SUPT5H: variants seen among roughly 807,000 people sequenced by gnomAD.
SUPT5H encodes SPT5 homolog, DSIF elongation factor subunit.
In SUPT5H, 24 loss-of-function variants were observed where a neutral mutation model predicts 142.5. The ratio of observed to expected loss-of-function variants is 0.17; its 90% confidence interval spans 0.12 to 0.24. The LOEUF is 0.24. Among genes scored for constraint, SUPT5H ranks in the 10% least tolerant of loss-of-function variants. The pLI is 1.00. For synonymous variants in SUPT5H, 546 were observed against 553.0 expected, an observed-to-expected ratio of 0.99 and a Z score of 0.18; for missense variants, 893 against 1,471.8, an observed-to-expected ratio of 0.61 and a Z score of 6.43.
At position 39,466,831 on chromosome 19, in the gene SUPT5H, C is replaced by T. The variant is rs893158022; in HGVS notation, c.1037+86C>T. 32 of 1,359,746 alleles carry T rather than the reference C, an allele frequency of 2.4e-5. No individual in the cohort carries two copies. The African/African-American group carries it at 3.9e-4, about 16-fold the overall frequency. The allele number at this position is 1,359,746 out of a possible 1,614,324, so 84.2% of individuals were successfully genotyped here. A position where few individuals can be genotyped will look rare whatever the true frequency, so the allele number is the denominator to read the frequency against. Reference sequence around the variant, plus strand: ...TTTGCAGGTTCCTCCCCAGGGGTGGCCCCGCCACAGGTTTAGCCTGTGAAT... The same window carrying T: ...TTTGCAGGTTCCTCCCCAGGGGTGGTCCCGCCACAGGTTTAGCCTGTGAAT... On this transcript the variant is annotated intron_variant, in intron 13 of 29. Coordinates refer to ENST00000432763, the MANE Select transcript of SUPT5H (RefSeq NM_001111020.3). This position sits in a 1 kb window ranked among gnomAD's most constrained non-coding sequence, Gnocchi z 4.3.
Position 39,458,147 on chromosome 19 carries a change from C to G in SUPT5H, c.308-147C>G. On this transcript the variant is annotated intron_variant, in intron 4 of 29. Coordinates refer to ENST00000432763, the MANE Select transcript of SUPT5H (RefSeq NM_001111020.3). The surrounding 1 kb of genome is among the most constrained non-coding windows in gnomAD (Gnocchi z 4.2). ...CCTGGCCTTTACTTTTGGTTTTCAA[C>G]CTTTCTGTGTCCCTCCCTTCCCCTC... is the stretch of plus-strand genomic sequence containing the variant. 7.3e-7 allele frequency: 1 copy of G among 1,372,626 alleles called. No individual in the cohort carries two copies. The highest frequency in any genetic ancestry group is 9.7e-7 in the Non-Finnish European group (1 of 1,028,766). 85.0% of individuals were successfully genotyped at this position (1,372,626 alleles called of 1,614,324 possible).
Position 39,474,456 on chromosome 19 carries a change from A to C in SUPT5H, c.2820+54A>C. ...GTGGTGGGCTAGGGTGACTTTGGGC[A>C]TATAGGGTCGGCCAGGCCAGATGAC... On this transcript the variant is annotated intron_variant, in intron 27 of 29. Coordinates refer to ENST00000432763, the MANE Select transcript of SUPT5H (RefSeq NM_001111020.3). The surrounding 1 kb of genome is among the most constrained non-coding windows in gnomAD (Gnocchi z 6.5). The C allele has an allele frequency of 1.9e-6, 3 of 1,610,830 alleles. No homozygotes were observed. In the South Asian group the frequency reaches 3.3e-5, roughly 18 times the overall value.
chr19:39,447,726 C>T (rs2078971340), intron 2 of SUPT5H, among the ~76,000 whole-genome samples: 1 of 152,158 alleles, frequency 6.6e-6, no homozygotes, highest in South Asian at 2.1e-4. Flanking sequence ...GCCCATTATC[C>T]ACCTTTTAAA....
At chr19:39,462,655 C>G (rs187987642) in intron 10 of SUPT5H, among the ~76,000 whole-genome samples, 2 of 152,144 alleles carry the variant, frequency 1.3e-5, no homozygotes, top group East Asian at 3.9e-4. Flanking sequence ...CTCAATCTCC[C>G]AAGTAGCTGG....
In SUPT5H at chr19:39,458,702, T is replaced by C; in HGVS notation, c.320-116T>C. ...AGGGGTTGGGATTTCCTCTGTGAGA[T>C]GTCATCTTCCTGCCCCAGGGCCAAA... On this transcript the variant is annotated intron_variant, in intron 5 of 29. Coordinates refer to ENST00000432763, the MANE Select transcript of SUPT5H (RefSeq NM_001111020.3). The surrounding 1 kb of genome is among the most constrained non-coding windows in gnomAD (Gnocchi z 4.2). 1 of 939,498 alleles carries C rather than the reference T, an allele frequency of 1.1e-6. No homozygotes were observed. Among genetic ancestry groups the C allele is most frequent in the Middle Eastern group, 3.2e-4 (1 of 3,128 alleles). 58.2% of individuals were successfully genotyped at this position (939,498 alleles called of 1,614,324 possible). A position where few individuals can be genotyped will look rare whatever the true frequency, so the allele number is the denominator to read the frequency against.
chr19:39,469,060 C>T lies in SUPT5H; in HGVS notation c.1144-19C>T. ...CCTCGGTCCATTTCCTTCTCTTCCC[C>T]TCACCGCTGGGGGCTTAGATCACGG... On this transcript the variant is annotated intron_variant, in intron 14 of 29. Coordinates refer to ENST00000432763, the MANE Select transcript of SUPT5H (RefSeq NM_001111020.3). The surrounding 1 kb of genome is among the most constrained non-coding windows in gnomAD (Gnocchi z 5.1). 1 of 1,613,900 alleles carries T rather than the reference C, an allele frequency of 6.2e-7. No individual in the cohort carries two copies. Among genetic ancestry groups the T allele is most frequent in the Non-Finnish European group, 8.5e-7 (1 of 1,179,960 alleles).
At position 39,468,877 on chromosome 19, in the gene SUPT5H, G is replaced by T; in HGVS notation, c.1143+16G>T. On this transcript the variant is annotated intron_variant, in intron 14 of 29. Transcript: ENST00000432763. ...GTCTGCTGTGGTGAGGGTCCCAGAG[G>T]GGTGTTGGTAATGGGGGTGGTGTGA... 1 of 1,613,144 alleles carries T rather than the reference G, an allele frequency of 6.2e-7. No individual in the cohort carries two copies.
chr19:39,476,308 T>C lies in SUPT5H; in HGVS notation c.3173T>C (p.Ile1058Thr). The C allele has an allele frequency of 6.2e-7, 1 of 1,614,112 alleles. No homozygotes were observed. The highest frequency in any genetic ancestry group is 8.5e-7 in the Non-Finnish European group (1 of 1,180,016). ...DREATGVLLS[I>T]DGEDGIVRMD... is the part of the protein sequence containing the mutation. ...GAAGCCACGGGCGTCCTACTGAGCA[T>C]TGATGGTGAGGATGGCATTGTCCGT... Residue 1058 changes from isoleucine to threonine, a missense_variant, in exon 30 of 30, where the codon ATT (isoleucine) becomes ACT (threonine). Ile to Thr is a moderately conservative substitution (Grantham distance 89, BLOSUM62 -1). This residue lies in a region of SUPT5H where 336 missense variants were observed against 546.5 expected (regional missense o/e 0.61). Coordinates refer to ENST00000432763, the MANE Select transcript of SUPT5H (RefSeq NM_001111020.3).
rs548100238 is a variant in SUPT5H, at chr19:39,446,321, G to A, written c.75+356G>A. ...AATTCTTTGCTCTTAGGGTACACCA[G>A]TAAACAAAAAGATTTTAAAAATGTC... On this transcript the variant is annotated intron_variant, in intron 2 of 29. Transcript: ENST00000432763. Among the ~76,000 whole-genome samples, 10 of 152,148 alleles carry A rather than the reference G, an allele frequency of 6.6e-5. No homozygotes were observed. In the South Asian group the frequency reaches 1.9e-3, roughly 28 times the overall value.
In SUPT5H at chr19:39,460,436, A is replaced by G. The variant is rs114545458; in HGVS notation, c.624+476A>G. 5.7e-3 allele frequency among the ~76,000 whole-genome samples: 868 copies of G among 152,272 alleles called. 5 individuals are homozygous for G. The highest frequency in any genetic ancestry group is 0.019 in the African/African-American group (795 of 41,570). ...GGCCCCTTGGTTGCCTCTCAGCATC[A>G]TTAGGATTAAGTGGCTTTTGGCTGG... On this transcript the variant is annotated intron_variant, in intron 10 of 29. Coordinates refer to ENST00000432763, the MANE Select transcript of SUPT5H (RefSeq NM_001111020.3).
intron 3 of SUPT5H, among the ~76,000 whole-genome samples, chr19:39,455,920 C>CTCT (rs1428635297): frequency 7.3e-6 from 1 of 137,576 alleles, no homozygotes; most frequent in African/African-American, 2.8e-5. Context: ...TGCGCCCCGC[C>CTCT]TCTTCTTTTT....
chr19:39,466,609 G>T lies in SUPT5H; in HGVS notation c.966+40G>T. 1 of 1,612,608 alleles carries T rather than the reference G, an allele frequency of 6.2e-7. No individual in the cohort carries two copies. Among genetic ancestry groups the T allele is most frequent in the Non-Finnish European group, 8.5e-7 (1 of 1,178,642 alleles). ...CTGTGGCCTGGGGGGGAGGGAGTGT[G>T]CTCGATCCCACTGGTGGCCAAGCCC... On this transcript the variant is annotated intron_variant, in intron 12 of 29. Coordinates refer to ENST00000432763, the MANE Select transcript of SUPT5H (RefSeq NM_001111020.3). This position sits in a 1 kb window ranked among gnomAD's most constrained non-coding sequence, Gnocchi z 4.3.
At position 39,453,484 on chromosome 19, in the gene SUPT5H, G is replaced by A. The variant is rs372598922; in HGVS notation, c.204G>A (p.Lys68=). The A allele has an allele frequency of 3.3e-5, 51 of 1,549,952 alleles. No homozygotes were observed. In the East Asian group the frequency reaches 7.8e-4, roughly 24 times the overall value. The change falls in exon 3 of 30, where the codon AAG becomes AAA. Residue 68 remains lysine, a synonymous_variant. Coordinates refer to ENST00000432763, the MANE Select transcript of SUPT5H (RefSeq NM_001111020.3). ...AAGAAGATGATGACCGACCCCCCAA[G>A]AAACCCCGCCATGGAGGCTTCATTC... ...EEEEDDDRPP[K]KPRHGGFILD... is the part of the protein sequence containing the mutation.
Position 39,456,862 on chromosome 19 carries a change from C to T in SUPT5H, c.242-813C>T, listed in dbSNP as rs139884827. ...GTGTGAGCCACCACGTCCAGCCTTA[C>T]ATGGATTTCATATATGTACACAGAT... is the stretch of plus-strand genomic sequence containing the variant. On this transcript the variant is annotated intron_variant, in intron 3 of 29. Coordinates refer to ENST00000432763, the MANE Select transcript of SUPT5H (RefSeq NM_001111020.3). 2.6e-3 allele frequency among the ~76,000 whole-genome samples: 392 copies of T among 152,286 alleles called. 2 individuals carry two copies. The highest frequency in any genetic ancestry group is 8.6e-3 in the African/African-American group (359 of 41,550).
chr19:39,459,793 T>A, intron 9 of SUPT5H, 99 bp from the exon 10 acceptor site: 3 of 1,397,708 alleles, frequency 2.1e-6, no homozygotes, highest in Non-Finnish European at 3.0e-6. Flanking sequence ...TCTCCTCTCT[T>A]GGTCCTACTT....
Position 39,472,612 on chromosome 19 carries a change from C to A in SUPT5H, c.2035+119C>A. The A allele has an allele frequency of 7.2e-7, 1 of 1,387,002 alleles. No homozygotes were observed. The highest frequency in any genetic ancestry group is 9.9e-7 in the Non-Finnish European group (1 of 1,012,558). The allele number at this position is 1,387,002 out of a possible 1,614,324, so 85.9% of individuals were successfully genotyped here. On this transcript the variant is annotated intron_variant, in intron 21 of 29. Transcript: ENST00000432763. The surrounding 1 kb of genome is among the most constrained non-coding windows in gnomAD (Gnocchi z 4.2). The stretch of plus-strand genomic sequence containing the variant: ...GCTGGGCACTGCTATTAGGGGTTCA[C>A]CACCCACAGGAGGGTAGACGCCACA...
rs796561946 is a variant in SUPT5H at position 39,459,275 on chromosome 19, C to T, written c.524+26C>T. 5.5e-5 allele frequency: 86 copies of T among 1,554,716 alleles called. No individual in the cohort carries two copies. The African/African-American group carries it at 7.1e-4, about 13-fold the overall frequency. The stretch of plus-strand genomic sequence containing the variant: ...GTAAGGGGGTTGGGATGGTGGGGGC[C>T]GTGCTGGGGTGCGAATCTTGTATGG... On this transcript the variant is annotated intron_variant, in intron 8 of 29. Transcript: ENST00000432763.
At chr19:39,448,329 G>C (rs2078978590) in intron 2 of SUPT5H, among the ~76,000 whole-genome samples, 1 of 152,158 alleles carries the variant, frequency 6.6e-6, no homozygotes, top group Non-Finnish European at 1.5e-5. Flanking sequence ...TTCCAGGCTT[G>C]CAGTGAAGAG....
At position 39,474,595 on chromosome 19, in the gene SUPT5H, G is replaced by A. The variant is rs138311423; in HGVS notation, c.2901G>A (p.Thr967=). ...CCCCTGGTGGCTACAACCCACACAC[G>A]CCAGGCTCAGGCATCGAGCAGAACT... ...APSPGGYNPH[T]PGSGIEQNSS... Residue 967 remains threonine (T), a synonymous_variant, in exon 28 of 30, where the codon ACG becomes ACA. Transcript: ENST00000432763. This position sits in a 1 kb window ranked among gnomAD's most constrained non-coding sequence, Gnocchi z 6.5. 1.0e-4 allele frequency: 162 copies of A among 1,614,082 alleles called. No homozygotes were observed. Among genetic ancestry groups the A allele is most frequent in the Middle Eastern group, 3.3e-4 (2 of 6,084 alleles).
Sources: allele counts gnomAD v4.1 joint callset (sites outside exome capture counted in the v4.1 genomes callset), GRCh38; gene constraint gnomAD v4.1.1; regional missense constraint gnomAD v4.1.1; non-coding constraint Gnocchi (gnomAD v3.1); transcripts MANE v1.5; gene names NCBI Gene and HGNC (gene_info 2026-07-23, HGNC 2026-07-21).